GALM: variants seen among roughly 807,000 people sequenced by gnomAD.
GALM encodes the protein aldose 1-epimerase.
A neutral mutation model predicts 37.4 loss-of-function variants in GALM; 43 were observed. That is an observed-to-expected ratio of 1.15 (90% CI 0.90 to 1.48). The LOEUF (loss-of-function observed/expected upper bound fraction) is 1.48, where lower values mean the gene tolerates loss of function less well. GALM is among the 40% of genes most tolerant of loss of function. The pLI is 0.00. For missense variants in GALM, 456 were observed against 419.1 expected (o/e 1.09, Z -0.77); for synonymous variants, 199 against 170.6 (o/e 1.17, Z -1.30).
intron 4 of GALM, among the ~76,000 whole-genome samples, chr2:38,704,673 A>T (rs1666002975): frequency 6.6e-6 from 1 of 151,562 alleles, no homozygotes; most frequent in South Asian, 2.1e-4. Context: ...CTCTGTCTCC[A>T]TTAAAAAAAA....
At chr2:38,706,431 T>G (rs1368297941) in intron 4 of GALM, among the ~76,000 whole-genome samples, 1 of 149,674 alleles carries the variant, frequency 6.7e-6, no homozygotes, top group Non-Finnish European at 1.5e-5. Context: ...TCCCAGCACT[T>G]TGGGAGGTCG....
intron 4 of GALM, among the ~76,000 whole-genome samples, chr2:38,725,001 T>C (rs1484202815): frequency 1.3e-5 from 2 of 152,226 alleles, no homozygotes; most frequent in East Asian, 1.9e-4. Flanking sequence ...GCCTTCTACC[T>C]GTAGTTATAC....
In GALM at chr2:38,681,467, A is replaced by G; in HGVS notation, c.533A>G (p.Tyr178Cys). The G allele has an allele frequency of 1.2e-6, 2 of 1,614,064 alleles. No homozygotes were observed. Among genetic ancestry groups the G allele is most frequent in the South Asian group, 1.1e-5 (1 of 91,088 alleles). ...CCAGTCAACCTGACCAACCATTCTT[A>G]CTTCAACCTGGCAGGCCAGGTAAGT... ...ATPVNLTNHS[Y>C]FNLAGQASPN... The change falls in exon 3 of 7, where the codon TAC becomes TGC. Residue 178 changes from tyrosine (Y) to cysteine (C), a missense_variant. By Grantham distance (194) the Tyr-to-Cys change is radical. Coordinates refer to ENST00000272252, the MANE Select transcript of GALM (RefSeq NM_138801.3).
chr2:38,718,495 G>A (rs776636637), intron 4 of GALM, among the ~76,000 whole-genome samples: 65 of 151,672 alleles, frequency 4.3e-4, no homozygotes, highest in Non-Finnish European at 7.5e-4. Context: ...CACTGCTCCC[G>A]GCCCAAGTAT....
rs561074501 is a variant in GALM, at chr2:38,715,530, T to C, written c.635-14026T>C. Among the ~76,000 whole-genome samples, 38 of 152,276 alleles carry C rather than the reference T, an allele frequency of 2.5e-4. No individual in the cohort carries two copies. The East Asian group carries it at 7.4e-3, about 29-fold the overall frequency. ...ACAGCTCACTTTAGCTTCATCCTCC[T>C]GGGCTCAAGTGATCCTCCCACCTCA... On this transcript the variant is annotated intron_variant, in intron 4 of 6. Transcript: ENST00000272252.
chr2:38,726,673 G>C (rs1482479299), intron 4 of GALM, among the ~76,000 whole-genome samples: 2 of 152,074 alleles, frequency 1.3e-5, no homozygotes, highest in African/African-American at 4.8e-5. Flanking sequence ...ACTTTGGGAG[G>C]CCGAGATGGG....
intron 3 of GALM, among the ~76,000 whole-genome samples, chr2:38,682,647 G>A (rs199946712): frequency 2.0e-4 from 31 of 152,028 alleles, no homozygotes; most frequent in African/African-American, 6.5e-4. Context: ...CTGTAATCCC[G>A]GCACTTTGGG....
intron 4 of GALM, among the ~76,000 whole-genome samples, chr2:38,719,580 AC>A (rs1256919505): frequency 5.3e-5 from 8 of 150,766 alleles, no homozygotes; most frequent in Non-Finnish European, 1.2e-4. Flanking sequence ...TTTAAGACCA[AC>A]CTGGCCAACA....
intron 4 of GALM, among the ~76,000 whole-genome samples, chr2:38,725,494 C>G (rs141074430): frequency 1.3e-5 from 2 of 151,744 alleles, no homozygotes; most frequent in African/African-American, 4.8e-5. Context: ...TGTGATCATG[C>G]CACTGCACTA....
chr2:38,687,186 C>G (rs1436245387), intron 3 of GALM, among the ~76,000 whole-genome samples: 2 of 152,236 alleles, frequency 1.3e-5, no homozygotes, highest in African/African-American at 4.8e-5. Flanking sequence ...TGGCACCACC[C>G]TGAGGCATGC....
Position 38,670,285 on chromosome 2 carries a change from C to T in GALM, c.190+3934C>T, listed in dbSNP as rs778261785. 3.0e-4 allele frequency among the ~76,000 whole-genome samples: 46 copies of T among 152,280 alleles called. 1 individual carries two copies. Among genetic ancestry groups the T allele is most frequent in the Admixed American group, 2.6e-3 (40 of 15,298 alleles). ...CAACCTACCCATACAATCATTGAAA[C>T]GCCTTCCTTTTCATGTTTCCCCCAG... On this transcript the variant is annotated intron_variant, in intron 1 of 6. Coordinates refer to ENST00000272252, the MANE Select transcript of GALM (RefSeq NM_138801.3).
At chr2:38,691,631 C>G (rs1166198798) in intron 4 of GALM, among the ~76,000 whole-genome samples, 1 of 151,960 alleles carries the variant, frequency 6.6e-6, no homozygotes, top group Non-Finnish European at 1.5e-5. Flanking sequence ...CTGCAGTGAG[C>G]CGTGATCTCT....
At chr2:38,717,964 A>G (rs1051480574) in intron 4 of GALM, among the ~76,000 whole-genome samples, 1 of 151,020 alleles carries the variant, frequency 6.6e-6, no homozygotes, top group East Asian at 2.0e-4. Flanking sequence ...CCTCCCAAGT[A>G]GTTAGGACTA....
At chr2:38,732,708 C>A (rs1435166668) in intron 6 of GALM, among the ~76,000 whole-genome samples, 1 of 150,918 alleles carries the variant, frequency 6.6e-6, no homozygotes, top group Non-Finnish European at 1.5e-5. Context: ...ATTGCTTGAG[C>A]CTGAGATTGA....
At chr2:38,697,384 A>G (rs1665833597) in intron 4 of GALM, among the ~76,000 whole-genome samples, 1 of 152,162 alleles carries the variant, frequency 6.6e-6, no homozygotes, top group Non-Finnish European at 1.5e-5. Context: ...CAAGACAAAG[A>G]TGTTTTCATA....
intron 4 of GALM, among the ~76,000 whole-genome samples, chr2:38,712,824 C>T (rs539543136): frequency 1.1e-4 from 16 of 152,186 alleles, no homozygotes; most frequent in East Asian, 3.9e-4. Context: ...TTATTTGGGG[C>T]GATGTGCAAG....
At chr2:38,681,513 G>A in intron 3 of GALM, 27 bp downstream of exon 3, 1 of 1,576,154 alleles carries the variant, frequency 6.3e-7, no homozygotes, top group South Asian at 1.1e-5. Flanking sequence ...CTTCTTTCCT[G>A]CTTCGTGCTT....
In GALM at chr2:38,731,746, C is replaced by A; in HGVS notation, c.788C>A (p.Ala263Asp). The A allele has an allele frequency of 6.2e-7, 1 of 1,613,634 alleles. No homozygotes were observed. The highest frequency in any genetic ancestry group is 1.1e-5 in the South Asian group (1 of 91,042). The change falls in exon 6 of 7, where the codon GCT (alanine) becomes GAT (aspartate). Residue 263 changes from alanine (A) to aspartate (D), a missense_variant. Ala to Asp is a moderately radical substitution (Grantham distance 126). Transcript: ENST00000272252. Reference protein sequence around the residue: ...EKHFCARVHHAASGRVLEVYT... With the variant: ...EKHFCARVHHDASGRVLEVYT... ...GTATTTCTTACCAGGGTGCATCATG[C>A]TGCAAGCGGGCGGGTACTAGAAGTA...
At position 38,676,135 on chromosome 2, in the gene GALM, C is replaced by G. The variant is rs1665254676; in HGVS notation, c.345+69C>G. 3 of 1,481,770 alleles carry G rather than the reference C, an allele frequency of 2.0e-6. No individual in the cohort carries two copies. The African/African-American group carries it at 4.1e-5, about 20-fold the overall frequency. 91.8% of individuals were successfully genotyped at this position (1,481,770 alleles called of 1,614,324 possible). The stretch of plus-strand genomic sequence containing the variant: ...ACGCATACCTTCTGCTTGCCAGGCA[C>G]AGTCATAGGCCCTAGAGCACATGAG... On this transcript the variant is annotated intron_variant, in intron 2 of 6. Coordinates refer to ENST00000272252, the MANE Select transcript of GALM (RefSeq NM_138801.3).
Sources: gnomAD v4.1 joint callset for allele counts (sites outside exome capture counted in the v4.1 genomes callset) on GRCh38, gnomAD v4.1.1 for gene constraint, MANE v1.5 for transcripts, NCBI Gene and HGNC (gene_info 2026-07-23, HGNC 2026-07-21) for gene names.